The following ZNF839 variants were observed in gnomAD, a reference collection of about 807,000 sequenced individuals.
ZNF839 encodes the protein renal carcinoma antigen NY-REN-50.
ZNF839 carries 38 observed loss-of-function variants against 56.4 expected under a neutral mutation model. The observed-to-expected ratio is 0.67, with a 90% confidence interval of 0.52 to 0.88. The LOEUF is 0.88. ZNF839 is among the 40% of genes least tolerant of loss of function. The pLI is 0.00. For synonymous variants in ZNF839, 486 were observed against 493.5 expected, an observed-to-expected ratio of 0.98 and a Z score of 0.20; for missense variants, 1,091 against 1,177.6, an observed-to-expected ratio of 0.93 and a Z score of 1.08.
chr14:102,342,254 T>G lies in ZNF839; in HGVS notation c.*75T>G. 6.6e-7 allele frequency: 1 copy of G among 1,513,594 alleles called. No individual in the cohort carries two copies. The highest frequency in any genetic ancestry group is 8.8e-7 in the Non-Finnish European group (1 of 1,130,550). The allele number at this position is 1,513,594 out of a possible 1,614,324, so 93.8% of individuals were successfully genotyped here. On this transcript the variant is annotated 3_prime_UTR_variant, in exon 8 of 8. Coordinates refer to ENST00000442396, the MANE Select transcript of ZNF839 (RefSeq NM_018335.6). ...GCCCTCACAGTGAAGTGGAGTCAGA[T>G]CCTAGATTCGTCTGATTTTATCCAG...
In ZNF839 at chr14:102,341,595, G is replaced by C; in HGVS notation, c.2200G>C (p.Asp734His). ...AGAGAATGCTTTGGAACACTCTTCAGACCAGGACACCTGGGACAGCCTGAG... is the reference window on the plus strand; with the variant it reads ...AGAGAATGCTTTGGAACACTCTTCACACCAGGACACCTGGGACAGCCTGAG... ...PGENALEHSSDQDTWDSLRSP... is the reference protein window; with the variant it reads ...PGENALEHSSHQDTWDSLRSP... The change falls in exon 8 of 8, where the codon GAC becomes CAC. Residue 734 changes from aspartate (D) to histidine (H), a missense_variant. Asp to His is a moderately conservative substitution (Grantham distance 81, BLOSUM62 -1). Transcript: ENST00000442396. 6.2e-7 allele frequency: 1 copy of C among 1,613,858 alleles called. No homozygotes were observed. Among genetic ancestry groups the C allele is most frequent in the Non-Finnish European group, 8.5e-7 (1 of 1,179,822 alleles).
At chr14:102,324,379 C>T (rs763597020) in intron 1 of ZNF839, among the ~76,000 whole-genome samples, 20 of 152,040 alleles carry the variant, frequency 1.3e-4, no homozygotes, top group Non-Finnish European at 2.1e-4. Context: ...CCCGTCTCTA[C>T]TAAAAATACA....
rs557916160 is a variant in ZNF839 at position 102,334,581 on chromosome 14, C to A, written c.1444C>A (p.Leu482Met). 8 of 1,612,212 alleles carry A rather than the reference C, an allele frequency of 5.0e-6. No homozygotes were observed. Among genetic ancestry groups the A allele is most frequent in the East Asian group, 4.5e-5 (2 of 44,868 alleles). Reference sequence around the variant, plus strand: ...CCTCCAGCAGTGTGACCGGGAGGATCTGGTGGAATTGGCTCTGCCTCAGCT... The same window carrying A: ...CCTCCAGCAGTGTGACCGGGAGGATATGGTGGAATTGGCTCTGCCTCAGCT... ...EFLQQCDRED[L>M]VELALPQLAQ... is the part of the protein sequence containing the mutation. The change falls in exon 4 of 8, where the codon CTG becomes ATG. Residue 482 changes from leucine (L) to methionine (M), a missense_variant. Leu to Met is a conservative substitution (Grantham distance 15, BLOSUM62 2). This residue lies in a region of ZNF839 where 614 missense variants were observed against 629.2 expected (regional missense o/e 0.98). Coordinates refer to ENST00000442396, the MANE Select transcript of ZNF839 (RefSeq NM_018335.6).
intron 2 of ZNF839, among the ~76,000 whole-genome samples, chr14:102,330,337 A>T (rs780066225): frequency 2.0e-5 from 3 of 151,640 alleles, no homozygotes; most frequent in Non-Finnish European, 4.4e-5. Context: ...GGTTCAAGGG[A>T]TTCTCCTGCC....
At chr14:102,322,319 G>A (rs1297836219) in intron 1 of ZNF839, among the ~76,000 whole-genome samples, 2 of 152,226 alleles carry the variant, frequency 1.3e-5, no homozygotes, top group Non-Finnish European at 2.9e-5. Flanking sequence ...GATTCAGCAG[G>A]TCTGCGGGGA....
In ZNF839 at chr14:102,328,121, G is replaced by A. The variant is rs529490540; in HGVS notation, c.1191+1234G>A. 3.3e-5 allele frequency among the ~76,000 whole-genome samples: 5 copies of A among 151,748 alleles called. No individual in the cohort carries two copies. In the East Asian group the frequency reaches 5.8e-4, roughly 18 times the overall value. ...TGTAATCCCAGCACTTTGGGAGGCC[G>A]AGGTGGGCGGATCACCTCAGGTGAC... On this transcript the variant is annotated intron_variant, in intron 2 of 7. Transcript: ENST00000442396.
intron 2 of ZNF839, among the ~76,000 whole-genome samples, chr14:102,327,524 T>A (rs2073482417): frequency 6.6e-6 from 1 of 152,144 alleles, no homozygotes; most frequent in Non-Finnish European, 1.5e-5. Flanking sequence ...GCCCCCATGA[T>A]CCAGCAGTCA....
Position 102,341,436 on chromosome 14 carries a change from CT to C in ZNF839, c.2042del (p.Leu681ArgfsTer4). ...CCAGGCGGGCCCGCAGCTTCAGGCACTGGCTAACTTAGAAGCCAGGAGGGGG... is the reference window on the plus strand; with the variant it reads ...CCAGGCGGGCCCGCAGCTTCAGGCACGGCTAACTTAGAAGCCAGGAGGGGG... ...VFQAGPQLQA[L>X]ANLEARRGSI... is the part of the protein sequence containing the mutation. On this transcript the variant is annotated frameshift_variant, in exon 8 of 8. Transcript: ENST00000442396. LOFTEE classifies it low-confidence loss of function (END_TRUNC). 6.3e-7 allele frequency: 1 copy of C among 1,594,034 alleles called. No homozygotes were observed. Among genetic ancestry groups the C allele is most frequent in the African/African-American group, 1.3e-5 (1 of 74,328 alleles).
At chr14:102,333,021 G>T (rs1334504173) in intron 3 of ZNF839, among the ~76,000 whole-genome samples, 3 of 152,176 alleles carry the variant, frequency 2.0e-5, no homozygotes, top group African/African-American at 7.2e-5. Flanking sequence ...TTTAGGTCAG[G>T]CCATGGCAAG....
chr14:102,319,633 TC>T (rs1406003187), upstream of ZNF839: 14 of 1,194,546 alleles, frequency 1.2e-5, no homozygotes, highest in East Asian at 4.4e-4. The surrounding 1 kb of genome is among the most constrained non-coding windows in gnomAD (Gnocchi z 4.5). Context: ...TCCACGACTT[TC>T]CCGGCCAGAC....
At chr14:102,327,850 G>T (rs924641949) in intron 2 of ZNF839, among the ~76,000 whole-genome samples, 8 of 152,048 alleles carry the variant, frequency 5.3e-5, no homozygotes, top group African/African-American at 1.9e-4. Flanking sequence ...CTCTAGGTTT[G>T]GTCAGTAAAA....
In ZNF839 at chr14:102,334,625, G is replaced by A; in HGVS notation, c.1488G>A (p.Val496=). The A allele has an allele frequency of 1.9e-6, 3 of 1,612,608 alleles. No homozygotes were observed. The highest frequency in any genetic ancestry group is 2.5e-6 in the Non-Finnish European group (3 of 1,179,214). ...CTCAGCTGGCTCAGGTTGTGACCGTGTATGAGTTTCTTCTGATGAAGGTGA... is the reference window on the plus strand; with the variant it reads ...CTCAGCTGGCTCAGGTTGTGACCGTATATGAGTTTCTTCTGATGAAGGTGA... ...ALPQLAQVVT[V]YEFLLMKVEK... is the part of the protein sequence containing the mutation. The change falls in exon 4 of 8, where the codon GTG becomes GTA. Residue 496 remains valine (V), a synonymous_variant. Coordinates refer to ENST00000442396, the MANE Select transcript of ZNF839 (RefSeq NM_018335.6).
intron 5 of ZNF839, 70 bp downstream of exon 5, chr14:102,335,908 G>A (rs2073993666): frequency 3.8e-6 from 6 of 1,560,058 alleles, no homozygotes; most frequent in Non-Finnish European, 4.3e-6. Flanking sequence ...GCCACGTGCA[G>A]TGGCTTATGC....
At chr14:102,322,502 T>C (rs549562504) in intron 1 of ZNF839, among the ~76,000 whole-genome samples, 1 of 152,356 alleles carries the variant, frequency 6.6e-6, no homozygotes, top group African/African-American at 2.4e-5. Context: ...AAATACATTA[T>C]TAGTCTGGCT....
chr14:102,334,218 C>A (rs547517034), intron 3 of ZNF839, among the ~76,000 whole-genome samples: 1 of 152,218 alleles, frequency 6.6e-6, no homozygotes, highest in South Asian at 2.1e-4. Context: ...CTCCAGGCGC[C>A]GCCTCCAGCT....
upstream of ZNF839, chr14:102,319,298 G>C (rs1430037386): frequency 6.6e-6 from 1 of 152,398 alleles, no homozygotes; most frequent in African/African-American, 2.4e-5. This position sits in a 1 kb window ranked among gnomAD's most constrained non-coding sequence, Gnocchi z 4.5. Flanking sequence ...AAAAATTTGG[G>C]AAACACTCTC....
chr14:102,335,505 C>G, intron 4 of ZNF839, 184 bp from the exon 5 acceptor site: 5 of 600,010 alleles, frequency 8.3e-6, no homozygotes, highest in Non-Finnish European at 1.4e-5. Context: ...CCTCCCATGC[C>G]CATCCTGGCT....
intron 5 of ZNF839, among the ~76,000 whole-genome samples, chr14:102,338,189 G>C (rs1190004147): frequency 1.3e-5 from 2 of 152,220 alleles, no homozygotes; most frequent in African/African-American, 4.8e-5. Context: ...TATGGTATCA[G>C]CTAACATTAT....
rs1023809419 is a variant in ZNF839, at chr14:102,335,725, G to T, written c.1546G>T (p.Ala516Ser). The T allele has an allele frequency of 6.3e-6, 10 of 1,598,670 alleles. No homozygotes were observed. The highest frequency in any genetic ancestry group is 4.5e-5 in the East Asian group (2 of 44,876). Residue 516 changes from alanine to serine, a missense_variant, in exon 5 of 8, where the codon GCT becomes TCT. Physicochemically the swap from Ala to Ser is moderately conservative, Grantham distance 99 (BLOSUM62 1). This residue lies in a region of ZNF839 where 46 missense variants were observed against 80.4 expected (regional missense o/e 0.57). Transcript: ENST00000442396. ...KDHLAKPFFP[A>S]IYKEFEELHK... ...TCATCTAGCAAAGCCTTTTTTCCCAGCTATATATAAGGAATTTGAAGAGTT... is the reference window on the plus strand; with the variant it reads ...TCATCTAGCAAAGCCTTTTTTCCCATCTATATATAAGGAATTTGAAGAGTT...
Sources: gnomAD v4.1 joint callset for allele counts (sites outside exome capture counted in the v4.1 genomes callset) on GRCh38, gnomAD v4.1.1 for gene constraint, gnomAD v4.1.1 regional missense constraint, Gnocchi (gnomAD v3.1) non-coding constraint, MANE v1.5 for transcripts, NCBI Gene and HGNC (gene_info 2026-07-23, HGNC 2026-07-21) for gene names.